The following MYT1L variants were observed in gnomAD, a reference collection of about 807,000 sequenced individuals.
MYT1L encodes myelin transcription factor 1 like.
In MYT1L, 12 loss-of-function variants were observed where a neutral mutation model predicts 126.7. The ratio of observed to expected loss-of-function variants is 0.09; its 90% CI spans 0.06 to 0.15. The LOEUF is 0.15. MYT1L is among the 10% of genes least tolerant of loss of function. The pLI, the probability that MYT1L is intolerant of heterozygous loss-of-function variation, is 1.00. For synonymous variants in MYT1L, 541 were observed against 604.2 expected (o/e 0.90, Z 1.53); for missense variants, 979 against 1,585.2 (o/e 0.62, Z 6.49).
chr2:2,195,509 C>T (rs2092761531), intron 2 of MYT1L, among the ~76,000 whole-genome samples: 1 of 152,108 alleles, frequency 6.6e-6, no homozygotes, highest in Admixed American at 6.6e-5. Flanking sequence ...AGTAAGGCTA[C>T]AATCTTTCAT....
chr2:1,979,435 T>G lies in MYT1L; in HGVS notation c.89+86A>C. ...CAGCAGGGCGTGAGCAAGCTGCCGA[T>G]GAGCTGGAAGGTGCAGTGTGCCCAT... is the stretch of plus-strand genomic sequence containing the variant. On this transcript the variant is annotated intron_variant, in intron 7 of 24. Transcript: ENST00000647738. This position sits in a 1 kb window ranked among gnomAD's most constrained non-coding sequence, Gnocchi z 4.0. 1 of 1,352,044 alleles carries G rather than the reference T, an allele frequency of 7.4e-7. No individual in the cohort carries two copies. The highest frequency in any genetic ancestry group is 1.1e-6 in the Non-Finnish European group (1 of 941,746). 83.8% of individuals were successfully genotyped at this position (1,352,044 alleles called of 1,614,324 possible). A position where few individuals can be genotyped will look rare whatever the true frequency, so the allele number is the denominator to read the frequency against.
chr2:2,157,968 C>T (rs149690264), intron 3 of MYT1L, among the ~76,000 whole-genome samples: 15 of 152,100 alleles, frequency 9.9e-5, no homozygotes, highest in African/African-American at 2.9e-4. Flanking sequence ...CTAGGTCAGG[C>T]TTCAGCTCTG....
At chr2:2,243,959 G>A (rs980533837) in intron 2 of MYT1L, among the ~76,000 whole-genome samples, 58 of 152,086 alleles carry the variant, frequency 3.8e-4, no homozygotes, top group Non-Finnish European at 7.5e-4. Flanking sequence ...GATTGGCAGC[G>A]CACACTGACA....
intron 4 of MYT1L, among the ~76,000 whole-genome samples, chr2:2,020,223 A>G (rs1379720527): frequency 6.6e-6 from 1 of 152,234 alleles, no homozygotes; most frequent in African/African-American, 2.4e-5. Context: ...ATCAGTTTAT[A>G]AAACTATCAC....
In MYT1L at chr2:1,969,533, G is replaced by A. The variant is rs139913775; in HGVS notation, c.152+9632C>T. Reference sequence around the variant, plus strand: ...TCTCACTTAGCTGGTCCCAGGTGACGCTGATGTTCTGGATCAGGGAACCCC... The same window carrying A: ...TCTCACTTAGCTGGTCCCAGGTGACACTGATGTTCTGGATCAGGGAACCCC... On this transcript the variant is annotated intron_variant, in intron 8 of 24. Coordinates refer to ENST00000647738, the MANE Select transcript of MYT1L (RefSeq NM_001303052.2). 6.6e-5 allele frequency among the ~76,000 whole-genome samples: 10 copies of A among 152,310 alleles called. No individual in the cohort carries two copies. In the East Asian group the frequency reaches 1.7e-3, roughly 26 times the overall value.
intron 2 of MYT1L, among the ~76,000 whole-genome samples, chr2:2,200,332 A>C (rs1452953439): frequency 6.6e-6 from 1 of 152,188 alleles, no homozygotes; most frequent in East Asian, 1.9e-4. Context: ...AAAAATAAAG[A>C]AATCAAGGTG....
At chr2:1,968,312 G>A (rs1025241395) in intron 8 of MYT1L, among the ~76,000 whole-genome samples, 2 of 152,198 alleles carry the variant, frequency 1.3e-5, no homozygotes, top group Admixed American at 6.5e-5. Flanking sequence ...ATTCAGAAGC[G>A]TGAGAAGCCG....
chr2:1,874,446 A>C (rs944026491), intron 18 of MYT1L, among the ~76,000 whole-genome samples: 4 of 152,156 alleles, frequency 2.6e-5, no homozygotes, highest in East Asian at 1.9e-4. Flanking sequence ...GGCCAGACTT[A>C]TCTCTCAGCT....
At position 1,793,280 on chromosome 2, in the gene MYT1L, G is replaced by A. The variant is rs1238218644; in HGVS notation, c.3277-816C>T. Among the ~76,000 whole-genome samples, 1 of 152,208 alleles carries A rather than the reference G, an allele frequency of 6.6e-6. No individual in the cohort carries two copies. Among genetic ancestry groups the A allele is most frequent in the African/African-American group, 2.4e-5 (1 of 41,454 alleles). Reference sequence around the variant, plus strand: ...CAAGGTCAAGGGGCTTGAGTTCAGGGCCTCTGCCTATAACCGCACAGGACT... The same window carrying A: ...CAAGGTCAAGGGGCTTGAGTTCAGGACCTCTGCCTATAACCGCACAGGACT... On this transcript the variant is annotated intron_variant, in intron 23 of 24. Transcript: ENST00000647738. This position sits in a 1 kb window ranked among gnomAD's most constrained non-coding sequence, Gnocchi z 4.6.
intron 9 of MYT1L, among the ~76,000 whole-genome samples, chr2:1,926,417 T>A (rs1258114994): frequency 6.6e-6 from 1 of 152,194 alleles, no homozygotes; most frequent in Non-Finnish European, 1.5e-5. Flanking sequence ...CTGAGGCTAA[T>A]AATGAAATTA....
At chr2:2,128,811 G>A (rs1172062576) in intron 3 of MYT1L, among the ~76,000 whole-genome samples, 1 of 152,122 alleles carries the variant, frequency 6.6e-6, no homozygotes, top group Non-Finnish European at 1.5e-5. Context: ...TTGAGATCAG[G>A]AAAAAGAGAT....
chr2:2,020,234 G>A (rs957240687), intron 4 of MYT1L, among the ~76,000 whole-genome samples: 3 of 152,126 alleles, frequency 2.0e-5, no homozygotes, highest in Admixed American at 1.3e-4. Context: ...AAACTATCAC[G>A]TGTTGATATA....
chr2:2,224,878 G>T lies in MYT1L; in HGVS notation c.-420-51890C>A, dbSNP rs2093969145. ...AAATCCTTGAGAAAGGTCTTAACCAGGGCTAGCCTTATGCTTGTGTGCTGG... is the reference window on the plus strand; with the variant it reads ...AAATCCTTGAGAAAGGTCTTAACCATGGCTAGCCTTATGCTTGTGTGCTGG... On this transcript the variant is annotated intron_variant, in intron 2 of 24. Coordinates refer to ENST00000647738, the MANE Select transcript of MYT1L (RefSeq NM_001303052.2). This position sits in a 1 kb window ranked among gnomAD's most constrained non-coding sequence, Gnocchi z 4.0. 6.6e-6 allele frequency among the ~76,000 whole-genome samples: 1 copy of T among 152,042 alleles called. No homozygotes were observed. The highest frequency in any genetic ancestry group is 2.4e-5 in the African/African-American group (1 of 41,432).
rs374653066 is a variant in MYT1L at position 1,922,521 on chromosome 2, G to T, written c.1248C>A (p.Asn416Lys). ...HERDDDTTSV[N>K]SDRSEEVFDM... ...CGAACACCTCTTCAGACCTGTCCGA[G>T]TTCACAGAGGTGGTATCGTCGTCCC... Residue 416 changes from asparagine to lysine, a missense_variant, in exon 10 of 25, where the codon AAC (asparagine) becomes AAA (lysine). Asn to Lys is a moderately conservative substitution (Grantham distance 94). Coordinates refer to ENST00000647738, the MANE Select transcript of MYT1L (RefSeq NM_001303052.2). The surrounding 1 kb of genome is among the most constrained non-coding windows in gnomAD (Gnocchi z 7.4). 8 of 1,613,930 alleles carry T rather than the reference G, an allele frequency of 5.0e-6. No individual in the cohort carries two copies. Among genetic ancestry groups the T allele is most frequent in the Non-Finnish European group, 5.9e-6 (7 of 1,179,900 alleles).
chr2:2,080,510 A>C (rs2075705770), intron 3 of MYT1L, among the ~76,000 whole-genome samples: 1 of 152,230 alleles, frequency 6.6e-6, no homozygotes, highest in Admixed American at 6.5e-5. Context: ...ATAATGTACA[A>C]ATGATTTGAA....
chr2:2,010,803 C>T (rs993568758), intron 4 of MYT1L, among the ~76,000 whole-genome samples: 3 of 152,174 alleles, frequency 2.0e-5, no homozygotes, highest in African/African-American at 7.2e-5. Context: ...CAGAGTGGTG[C>T]CACATATGGA....
At chr2:1,890,713 G>A (rs2048756274) in intron 15 of MYT1L, among the ~76,000 whole-genome samples, 1 of 152,080 alleles carries the variant, frequency 6.6e-6, no homozygotes, top group Non-Finnish European at 1.5e-5. Context: ...ACTCTCCTTA[G>A]CAAAATTTGA....
At chr2:2,115,855 T>C (rs536751465) in intron 3 of MYT1L, among the ~76,000 whole-genome samples, 32 of 151,034 alleles carry the variant, frequency 2.1e-4, no homozygotes, top group Admixed American at 3.3e-4. Flanking sequence ...TGCTGTGCAG[T>C]TGAGGAAGCT....
intron 2 of MYT1L, among the ~76,000 whole-genome samples, chr2:2,203,056 T>G (rs1201904907): frequency 6.7e-6 from 1 of 149,888 alleles, no homozygotes; most frequent in Admixed American, 6.7e-5. Flanking sequence ...GAAAAGGCCT[T>G]TGACAAAATT....
Sources: gnomAD v4.1 joint callset for allele counts (sites outside exome capture counted in the v4.1 genomes callset) on GRCh38, gnomAD v4.1.1 for gene constraint, Gnocchi (gnomAD v3.1) non-coding constraint, MANE v1.5 for transcripts, NCBI Gene and HGNC (gene_info 2026-07-23, HGNC 2026-07-21) for gene names.